The following TMIGD3 variants were observed in gnomAD, a reference collection of about 807,000 sequenced individuals.
TMIGD3 encodes transmembrane and immunoglobulin domain containing 3.
In TMIGD3, 21 loss-of-function variants were observed where a neutral mutation model predicts 28.1. That is an observed-to-expected ratio of 0.75 (90% CI 0.53 to 1.08). The LOEUF (loss-of-function observed/expected upper bound fraction) is 1.08. Among genes scored for constraint, TMIGD3 ranks in the 50% least tolerant of loss-of-function variants. The probability of loss-of-function intolerance (pLI) is 0.00; values close to 1 mark genes in which losing one functional copy is unlikely to be tolerated. For missense variants in TMIGD3, 416 were observed against 435.6 expected (o/e 0.96, Z 0.40); for synonymous variants, 151 against 162.1 (o/e 0.93, Z 0.52).
At chr1:111,511,015 C>G (rs944150462) in intron 1 of TMIGD3, among the ~76,000 whole-genome samples, 1 of 152,198 alleles carries the variant, frequency 6.6e-6, no homozygotes, top group Non-Finnish European at 1.5e-5. Flanking sequence ...AGGAATCGCA[C>G]TGGGTAAACC....
Position 111,525,282 on chromosome 1 carries a change from A to T in TMIGD3, c.108-34520T>A, listed in dbSNP as rs192875210. Among the ~76,000 whole-genome samples the T allele has an allele frequency of 7.2e-5, 11 of 152,268 alleles. No homozygotes were observed. In the East Asian group the frequency reaches 2.1e-3, roughly 29 times the overall value. On this transcript the variant is annotated intron_variant, in intron 1 of 5. Coordinates refer to the TMIGD3 transcript ENST00000369717. ...GGAGAGGATTTAAAATTTTGACTAT[A>T]ATTGTGAATTTGTCTGTTTCTTCTT...
At position 111,536,611 on chromosome 1, in the gene TMIGD3, C is replaced by T. The variant is rs951571281; in HGVS notation, c.107+27235G>A. Among the ~76,000 whole-genome samples the T allele has an allele frequency of 2.0e-5, 3 of 152,276 alleles. No individual in the cohort carries two copies. In the South Asian group the frequency reaches 6.2e-4, roughly 32 times the overall value. Reference sequence around the variant, plus strand: ...GAATCCATTTCATCGCTCATACCCGCGATCCCTGTCAATGCAATGATAAAC... The same window carrying T: ...GAATCCATTTCATCGCTCATACCCGTGATCCCTGTCAATGCAATGATAAAC... On this transcript the variant is annotated intron_variant, in intron 1 of 5. Transcript: ENST00000369717.
chr1:111,484,698 G>A (rs1409248307), intron 5 of TMIGD3, among the ~76,000 whole-genome samples: 1 of 152,216 alleles, frequency 6.6e-6, no homozygotes, highest in Non-Finnish European at 1.5e-5. Flanking sequence ...TCTGGCTATG[G>A]ATCCTGGTGT....
intron 1 of TMIGD3, among the ~76,000 whole-genome samples, chr1:111,563,232 C>A (rs963339321): frequency 6.6e-6 from 1 of 152,068 alleles, no homozygotes; most frequent in Non-Finnish European, 1.5e-5. Context: ...CCATGATTAG[C>A]ACCACTGTAC....
At position 111,503,604 on chromosome 1, in the gene TMIGD3, A is replaced by G. The variant is rs1411926364; in HGVS notation, c.-250T>C. The G allele has an allele frequency of 7.5e-7, 1 of 1,325,876 alleles. No homozygotes were observed. Among genetic ancestry groups the G allele is most frequent in the African/African-American group, 1.5e-5 (1 of 67,516 alleles). 82.1% of individuals were successfully genotyped at this position (1,325,876 alleles called of 1,614,324 possible). ...ATGCACCGCACATCCTCAAGTTTCCAGAATGCTGTAGGACAGCTCTATATG... is the reference window on the plus strand; with the variant it reads ...ATGCACCGCACATCCTCAAGTTTCCGGAATGCTGTAGGACAGCTCTATATG... On this transcript the variant is annotated 5_prime_UTR_variant, in exon 1 of 6. Coordinates refer to ENST00000369716, the MANE Select transcript of TMIGD3 (RefSeq NM_020683.7).
chr1:111,488,516 T>C (rs1410645924), intron 3 of TMIGD3, among the ~76,000 whole-genome samples, 161 bp downstream of exon 3: 1 of 152,210 alleles, frequency 6.6e-6, no homozygotes, highest in Non-Finnish European at 1.5e-5. Flanking sequence ...GCACTGTTAA[T>C]GACCACCCTA....
At chr1:111,526,597 G>A (rs1223543356) in intron 1 of TMIGD3, among the ~76,000 whole-genome samples, 2 of 152,292 alleles carry the variant, frequency 1.3e-5, no homozygotes, top group South Asian at 4.1e-4. Flanking sequence ...TCCCATGAGA[G>A]TGGCACATTT....
At chr1:111,525,839 G>A (rs1308656959) in intron 1 of TMIGD3, among the ~76,000 whole-genome samples, 1 of 152,168 alleles carries the variant, frequency 6.6e-6, no homozygotes, top group African/African-American at 2.4e-5. Flanking sequence ...ACTCCAGCCT[G>A]AGAGACAGAG....
chr1:111,521,859 G>A (rs1045729104), intron 1 of TMIGD3, among the ~76,000 whole-genome samples: 2 of 152,100 alleles, frequency 1.3e-5, no homozygotes, highest in African/African-American at 4.8e-5. Flanking sequence ...ACCTTCTCCT[G>A]TGTTTTCTCC....
chr1:111,527,993 GT>G (rs924658078), intron 1 of TMIGD3, among the ~76,000 whole-genome samples: 1 of 151,578 alleles, frequency 6.6e-6, no homozygotes, highest in South Asian at 2.1e-4. Context: ...TTGAAAAGTA[GT>G]TTTTTTGTAA....
At chr1:111,553,738 A>G (rs1341149591) in intron 1 of TMIGD3, among the ~76,000 whole-genome samples, 1 of 152,172 alleles carries the variant, frequency 6.6e-6, no homozygotes, top group Non-Finnish European at 1.5e-5. Flanking sequence ...CATTAGGCTC[A>G]AATTCCACTC....
intron 1 of TMIGD3, among the ~76,000 whole-genome samples, chr1:111,520,975 G>T (rs1434301574): frequency 2.0e-5 from 3 of 152,170 alleles, no homozygotes; most frequent in Non-Finnish European, 4.4e-5. Context: ...TCGCTCCCAA[G>T]TCTCCTCATG....
intron 1 of TMIGD3, chr1:111,499,848 A>G: frequency 6.5e-7 from 1 of 1,539,070 alleles, no homozygotes; most frequent in African/African-American, 1.4e-5. Context: ...AGTGGAAGTA[A>G]TCAAGGATGT....
intron 1 of TMIGD3, among the ~76,000 whole-genome samples, chr1:111,541,198 C>T (rs1656810643): frequency 6.6e-6 from 1 of 152,174 alleles, no homozygotes; most frequent in Non-Finnish European, 1.5e-5. Context: ...TCATAGCTTG[C>T]TGACTTCTGC....
At chr1:111,503,829 T>C (rs967043066), upstream of TMIGD3, 4 of 1,001,104 alleles carry the variant, frequency 4.0e-6, no homozygotes, top group African/African-American at 3.5e-5. Context: ...AGAGGAGCCA[T>C]GAGTGGCATA....
chr1:111,523,342 G>T (rs975080680), intron 1 of TMIGD3, among the ~76,000 whole-genome samples: 5 of 152,224 alleles, frequency 3.3e-5, no homozygotes, highest in Admixed American at 3.3e-4. Flanking sequence ...TGGACACTAT[G>T]TACCGTATTA....
At chr1:111,505,123 C>CA (rs1655438629), upstream of TMIGD3, 9 of 141,280 alleles carry the variant, frequency 6.4e-5, no homozygotes, top group Non-Finnish European at 8.5e-5. Flanking sequence ...CAGCACTCTG[C>CA]CAAAAAAAAA....
chr1:111,528,159 G>A (rs920445447), intron 1 of TMIGD3, among the ~76,000 whole-genome samples: 9 of 152,008 alleles, frequency 5.9e-5, no homozygotes, highest in African/African-American at 1.9e-4. Context: ...TTTATAATCC[G>A]TTTTGAGTTA....
At chr1:111,547,821 G>A (rs1657092028) in intron 1 of TMIGD3, among the ~76,000 whole-genome samples, 3 of 152,322 alleles carry the variant, frequency 2.0e-5, no homozygotes, top group African/African-American at 7.2e-5. Context: ...ACTCTCTGGT[G>A]AAGCTTTCCT....
Sources: gnomAD v4.1 joint callset for allele counts (sites outside exome capture counted in the v4.1 genomes callset) on GRCh38, gnomAD v4.1.1 for gene constraint, MANE v1.5 for transcripts, NCBI Gene and HGNC (gene_info 2026-07-23, HGNC 2026-07-21) for gene names.